The following HTR1F variants were observed in gnomAD, a reference collection of about 807,000 sequenced individuals.
The protein encoded by HTR1F is 5-hydroxytryptamine (serotonin) receptor 1F, G protein-coupled.
HTR1F carries 17 observed loss-of-function variants against 24.0 expected under a neutral mutation model. That is an observed-to-expected ratio of 0.71 (90% CI 0.48 to 1.06). The LOEUF is 1.06. Ranked by LOEUF, HTR1F falls within the 50% of genes least tolerant of loss-of-function variation. The pLI is 0.00. For missense variants in HTR1F, 391 were observed against 427.8 expected, an observed-to-expected ratio of 0.91 and a Z score of 0.76; for synonymous variants, 186 against 156.8, an observed-to-expected ratio of 1.19 and a Z score of -1.39.
intron 2 of HTR1F, among the ~76,000 whole-genome samples, chr3:87,929,198 C>T (rs772904532): frequency 6.6e-6 from 1 of 152,130 alleles, no homozygotes; most frequent in Non-Finnish European, 1.5e-5. Context: ...GTAAAAGTAA[C>T]CAACAGCCAA....
chr3:87,926,943 A>T (rs989911024), intron 2 of HTR1F, among the ~76,000 whole-genome samples: 1 of 152,146 alleles, frequency 6.6e-6, no homozygotes, highest in African/African-American at 2.4e-5. Flanking sequence ...AATGGCCCAG[A>T]ATTAAGTCTG....
rs556147514 is a variant in HTR1F, at chr3:87,900,995, G to C, written c.-43+78871G>C. Among the ~76,000 whole-genome samples, 80 of 152,266 alleles carry C rather than the reference G, an allele frequency of 5.3e-4. 1 individual carries two copies. The highest frequency in any genetic ancestry group is 1.8e-3 in the African/African-American group (74 of 41,554). On this transcript the variant is annotated intron_variant, in intron 2 of 2. Transcript: ENST00000319595. ...AAGAAATGCCATGATAGTACACATA[G>C]AGGAGAACGACATCCAAGGACTGGG... is the stretch of plus-strand genomic sequence containing the variant.
intron 2 of HTR1F, among the ~76,000 whole-genome samples, chr3:87,886,075 G>A (rs75955368): frequency 6.6e-6 from 1 of 152,102 alleles, no homozygotes; most frequent in Non-Finnish European, 1.5e-5. Context: ...GATGCACATC[G>A]ATGCTAAAAT....
intron 1 of HTR1F, among the ~76,000 whole-genome samples, chr3:87,798,550 G>A (rs1057115276): frequency 2.0e-5 from 3 of 151,386 alleles, no homozygotes; most frequent in Non-Finnish European, 2.9e-5. Context: ...TCCACCCGCC[G>A]TAGCTAGAGT....
At chr3:87,810,403 G>C (rs1006498729) in intron 1 of HTR1F, among the ~76,000 whole-genome samples, 3 of 152,022 alleles carry the variant, frequency 2.0e-5, no homozygotes, top group Admixed American at 2.0e-4. Flanking sequence ...ACACATTTCT[G>C]GATGTCGGCG....
At chr3:87,972,102 T>C (rs1705297900) in intron 2 of HTR1F, among the ~76,000 whole-genome samples, 1 of 152,202 alleles carries the variant, frequency 6.6e-6, no homozygotes, top group Non-Finnish European at 1.5e-5. Context: ...TTTGAGTGAC[T>C]AGCAGGAACC....
At chr3:87,829,277 C>T (rs1032661818) in intron 2 of HTR1F, among the ~76,000 whole-genome samples, 1 of 152,080 alleles carries the variant, frequency 6.6e-6, no homozygotes, top group Non-Finnish European at 1.5e-5. Context: ...AAATTATCCA[C>T]CAATTTCTTT....
intron 2 of HTR1F, among the ~76,000 whole-genome samples, chr3:87,987,642 TTATATA>T (rs10575272): frequency 7.9e-5 from 5 of 62,998 alleles, no homozygotes; most frequent in Non-Finnish European, 9.4e-5. Flanking sequence ...TATATGTATT[TTATATA>T]TATATATATA....
chr3:87,961,123 G>A (rs1192481379), intron 2 of HTR1F, among the ~76,000 whole-genome samples: 2 of 151,968 alleles, frequency 1.3e-5, no homozygotes, highest in African/African-American at 2.4e-5. Flanking sequence ...TGAAGTTTCA[G>A]GGAAGTTCTT....
In HTR1F at chr3:87,991,809, T is replaced by C; in HGVS notation, c.1060T>C (p.Phe354Leu). The change falls in exon 3 of 3, where the codon TTC becomes CTC. Residue 354 changes from phenylalanine (F) to leucine (L), a missense_variant. Phe to Leu is a conservative substitution (Grantham distance 22). Coordinates refer to ENST00000319595, the MANE Select transcript of HTR1F (RefSeq NM_001322209.2). ...PLIYTIFNED[F>L]KKAFQKLVRC... ...GATTTACACAATCTTTAATGAAGAC[T>C]TCAAGAAAGCATTCCAAAAGCTTGT... 1 of 1,591,958 alleles carries C rather than the reference T, an allele frequency of 6.3e-7. No individual in the cohort carries two copies. Among genetic ancestry groups the C allele is most frequent in the Non-Finnish European group, 8.5e-7 (1 of 1,170,104 alleles).
At chr3:87,909,575 C>T (rs1703732702) in intron 2 of HTR1F, among the ~76,000 whole-genome samples, 1 of 151,858 alleles carries the variant, frequency 6.6e-6, no homozygotes, top group Admixed American at 6.6e-5. Context: ...CAAGGGGCTT[C>T]GAGATACAAA....
At chr3:87,812,462 TGA>T (rs771062076) in intron 1 of HTR1F, among the ~76,000 whole-genome samples, 7 of 152,062 alleles carry the variant, frequency 4.6e-5, no homozygotes, top group Non-Finnish European at 8.8e-5. Context: ...ACTTTGAATT[TGA>T]GAGAGAGGAT....
intron 2 of HTR1F, among the ~76,000 whole-genome samples, chr3:87,985,833 A>C (rs1705651042): frequency 6.6e-6 from 1 of 152,274 alleles, no homozygotes; most frequent in Non-Finnish European, 1.5e-5. Flanking sequence ...ATATAATTGG[A>C]TATCAAGATC....
At chr3:87,885,246 G>A (rs374474981) in intron 2 of HTR1F, among the ~76,000 whole-genome samples, 25 of 152,242 alleles carry the variant, frequency 1.6e-4, no homozygotes, top group East Asian at 1.4e-3. Flanking sequence ...TGACTACTGG[G>A]TAGATAACGA....
intron 2 of HTR1F, among the ~76,000 whole-genome samples, chr3:87,837,884 T>C (rs1382646893): frequency 2.0e-5 from 3 of 152,016 alleles, no homozygotes; most frequent in South Asian, 2.1e-4. Context: ...TTGAAAAATA[T>C]TTTATCTCTT....
intron 2 of HTR1F, among the ~76,000 whole-genome samples, chr3:87,879,334 A>G (rs139261535): frequency 1.4e-4 from 21 of 152,328 alleles, no homozygotes; most frequent in African/African-American, 4.1e-4. Context: ...TTTTGCTTGT[A>G]CAATATAAGT....
intron 2 of HTR1F, among the ~76,000 whole-genome samples, chr3:87,879,183 T>C (rs1449637071): frequency 6.6e-6 from 1 of 152,176 alleles, no homozygotes; most frequent in Non-Finnish European, 1.5e-5. Context: ...TAATCTCCAA[T>C]CTAAGTGGAA....
intron 2 of HTR1F, among the ~76,000 whole-genome samples, chr3:87,976,672 T>C (rs1216492075): frequency 3.3e-5 from 5 of 152,368 alleles, no homozygotes; most frequent in Non-Finnish European, 7.3e-5. Flanking sequence ...CCCCTGATTT[T>C]GAGATAGACC....
chr3:87,944,671 T>C (rs1215124824), intron 2 of HTR1F, among the ~76,000 whole-genome samples: 1 of 152,240 alleles, frequency 6.6e-6, no homozygotes, highest in Non-Finnish European at 1.5e-5. Context: ...TTAAGATTTT[T>C]GAGTTAGTAA....
Sources: gnomAD v4.1 joint callset for allele counts (sites outside exome capture counted in the v4.1 genomes callset) on GRCh38, gnomAD v4.1.1 for gene constraint, MANE v1.5 for transcripts, NCBI Gene and HGNC (gene_info 2026-07-23, HGNC 2026-07-21) for gene names.